TMEM181: variants seen among roughly 807,000 people sequenced by gnomAD.
TMEM181 encodes G protein-coupled receptor 178.
Under a neutral mutation model 71.9 loss-of-function variants are expected in TMEM181, and 39 were observed. The ratio of observed to expected loss-of-function variants is 0.54; its 90% CI spans 0.42 to 0.71. TMEM181 has a LOEUF of 0.71. Ranked by LOEUF, TMEM181 falls within the 30% of genes least tolerant of loss-of-function variation. The pLI is 0.00. For missense variants in TMEM181, 595 were observed against 583.0 expected, an observed-to-expected ratio of 1.02 and a Z score of -0.21; for synonymous variants, 245 against 228.8, an observed-to-expected ratio of 1.07 and a Z score of -0.64.
At chr6:158,555,044 C>G (rs1370088463) in intron 1 of TMEM181, among the ~76,000 whole-genome samples, 1 of 152,228 alleles carries the variant, frequency 6.6e-6, no homozygotes, top group Non-Finnish European at 1.5e-5. Flanking sequence ...TTAGCTAGGA[C>G]TGGCTGAATT....
chr6:158,610,474 A>G (rs1157750719), intron 10 of TMEM181: 1 of 321,966 alleles, frequency 3.1e-6, no homozygotes, highest in East Asian at 5.3e-5. Context: ...AATACAGCAT[A>G]TCCAAATGAC....
chr6:158,542,577 A>G lies in TMEM181; in HGVS notation c.131+5712A>G, dbSNP rs150154964. On this transcript the variant is annotated intron_variant, in intron 1 of 16. Transcript: ENST00000367090. ...TGTGTACCTTGGGGTAAGCGGAGCT[A>G]TTGCCCATACAGCAGAGTGTGGGTT... 1.0e-3 allele frequency among the ~76,000 whole-genome samples: 157 copies of G among 152,200 alleles called. 1 individual carries two copies. The highest frequency in any genetic ancestry group is 3.3e-3 in the African/African-American group (138 of 41,538).
intron 6 of TMEM181, among the ~76,000 whole-genome samples, chr6:158,600,188 G>GA (rs1180758601): frequency 1.3e-5 from 2 of 151,988 alleles, no homozygotes; most frequent in Admixed American, 6.5e-5. Context: ...TTGTTTTTGA[G>GA]ATGGAGTTTT....
intron 10 of TMEM181, chr6:158,610,362 G>T: frequency 3.5e-6 from 1 of 286,246 alleles, no homozygotes; most frequent in Middle Eastern, 4.5e-4. Flanking sequence ...TTGTCAGGGT[G>T]AGGGTGGCAG....
chr6:158,562,659 C>T (rs1014426667), intron 1 of TMEM181, among the ~76,000 whole-genome samples: 4 of 152,198 alleles, frequency 2.6e-5, no homozygotes, highest in Middle Eastern at 3.4e-3. Context: ...CCTGAGTCTC[C>T]CAGTGCTTTT....
intron 5 of TMEM181, 39 bp downstream of exon 5, chr6:158,585,464 C>CT (rs769892233): frequency 2.7e-6 from 4 of 1,498,614 alleles, no homozygotes; most frequent in Non-Finnish European, 3.6e-6. Context: ...AGTCCTCAGG[C>CT]TGTGTACACG....
rs942877185 is a variant in TMEM181, at chr6:158,635,300, G to C, written c.*3412G>C. 3.9e-5 allele frequency: 6 copies of C among 152,248 alleles called. No homozygotes were observed. Among genetic ancestry groups the C allele is most frequent in the African/African-American group, 1.4e-4 (6 of 41,470 alleles). The allele number at this position is 152,248 out of a possible 1,614,324, so 9.4% of individuals were successfully genotyped here. On this transcript the variant is annotated 3_prime_UTR_variant, in exon 17 of 17. Transcript: ENST00000684151. ...GTTGTGGACCTGTCCGTGGGGCACA[G>C]TGCCACCCCATCACAGTGTTGCTGT...
chr6:158,593,009 G>A (rs1274553490), intron 6 of TMEM181, among the ~76,000 whole-genome samples: 1 of 152,196 alleles, frequency 6.6e-6, no homozygotes, highest in Non-Finnish European at 1.5e-5. Flanking sequence ...CACATGAGTG[G>A]GGGGGTGTGA....
At chr6:158,583,607 T>G (rs776530564) in intron 3 of TMEM181, among the ~76,000 whole-genome samples, 7 of 152,182 alleles carry the variant, frequency 4.6e-5, no homozygotes, top group Non-Finnish European at 7.3e-5. Context: ...GAGACCATCC[T>G]GGCTAACACG....
At chr6:158,549,818 A>G (rs1465006460) in intron 1 of TMEM181, among the ~76,000 whole-genome samples, 1 of 152,086 alleles carries the variant, frequency 6.6e-6, no homozygotes, top group Non-Finnish European at 1.5e-5. Context: ...TATTTTTTGT[A>G]TGTAAGGTGG....
Position 158,568,790 on chromosome 6 carries a change from T to C in TMEM181, c.9-4630T>C, listed in dbSNP as rs571471621. ...TGGGGACTCCAGCCGCTGTGGTCAC[T>C]GAGCTGGTCTCACAGCAGGGGGCTA... On this transcript the variant is annotated intron_variant, in intron 1 of 16. Transcript: ENST00000684151. Among the ~76,000 whole-genome samples the C allele has an allele frequency of 2.5e-4, 38 of 152,282 alleles. No individual in the cohort carries two copies. The South Asian group carries it at 7.9e-3, about 32-fold the overall frequency.
intron 13 of TMEM181, among the ~76,000 whole-genome samples, chr6:158,626,868 TCA>T (rs1464551020): frequency 8.8e-5 from 12 of 136,274 alleles, no homozygotes; most frequent in Non-Finnish European, 1.1e-4. Flanking sequence ...CCTCACACCC[TCA>T]CTCTCACACT....
intron 1 of TMEM181, among the ~76,000 whole-genome samples, chr6:158,540,528 C>T (rs1020548844): frequency 4.6e-5 from 7 of 152,262 alleles, no homozygotes; most frequent in African/African-American, 9.6e-5. Context: ...TGCCTGTAAT[C>T]CCAGCACTTT....
intron 6 of TMEM181, among the ~76,000 whole-genome samples, chr6:158,595,490 A>G (rs1784339753): frequency 6.6e-6 from 1 of 152,254 alleles, no homozygotes; most frequent in Non-Finnish European, 1.5e-5. Context: ...TTGTATTTAG[A>G]TATTCACAGC....
chr6:158,621,552 G>T lies in TMEM181; in HGVS notation c.897-1998G>T, dbSNP rs552264253. 11 of 179,252 alleles carry T rather than the reference G, an allele frequency of 6.1e-5. No individual in the cohort carries two copies. The South Asian group carries it at 1.5e-3, about 24-fold the overall frequency. The allele number at this position is 179,252 out of a possible 1,614,324, so 11.1% of individuals were successfully genotyped here. ...GCCAGCTGAGGGGGCCACATCACCG[G>T]ACTCCCGGAGGCAGCTGCGCTTGCT... On this transcript the variant is annotated intron_variant, in intron 10 of 16. Coordinates refer to ENST00000684151, the MANE Select transcript of TMEM181 (RefSeq NM_001376852.1).
intron 15 of TMEM181, 72 bp from the exon 16 acceptor site, chr6:158,631,251 G>C (rs946434287): frequency 1.3e-5 from 20 of 1,504,874 alleles, no homozygotes; most frequent in Non-Finnish European, 1.8e-5. Context: ...TCCTTTGTCC[G>C]GGACAGCATC....
intron 1 of TMEM181, among the ~76,000 whole-genome samples, chr6:158,565,509 G>A (rs1226848673): frequency 6.6e-6 from 1 of 152,224 alleles, no homozygotes; most frequent in Non-Finnish European, 1.5e-5. Context: ...CAAAGCCAGA[G>A]CCACAGACAG....
Position 158,610,795 on chromosome 6 carries a change from A to G in TMEM181, c.896+2045A>G, listed in dbSNP as rs1054116307. The G allele has an allele frequency of 4.8e-5, 15 of 313,524 alleles. No individual in the cohort carries two copies. In the Admixed American group the frequency reaches 5.5e-4, roughly 12 times the overall value. The allele number at this position is 313,524 out of a possible 1,614,324, so 19.4% of individuals were successfully genotyped here. On this transcript the variant is annotated intron_variant, in intron 10 of 16. Coordinates refer to ENST00000684151, the MANE Select transcript of TMEM181 (RefSeq NM_001376852.1). The stretch of plus-strand genomic sequence containing the variant: ...GTCATTGCTGCTGCTGCTCACAGAC[A>G]GGTAGCCGGCAGGCTTGGGGCTGCT...
Position 158,631,931 on chromosome 6 carries a change from TC to T in TMEM181, c.*47del, listed in dbSNP as rs1209744032. 6.5e-7 allele frequency: 1 copy of T among 1,531,170 alleles called. No individual in the cohort carries two copies. Among genetic ancestry groups the T allele is most frequent in the Admixed American group, 1.9e-5 (1 of 51,374 alleles). 94.8% of individuals were successfully genotyped at this position (1,531,170 alleles called of 1,614,324 possible). A position where few individuals can be genotyped will look rare whatever the true frequency, so the allele number is the denominator to read the frequency against. ...GAGGCGACAAGATGCCTGGATGCTTTCCCCGGTGACCGTCTGCTGACCTTCC... is the reference window on the plus strand; with the variant it reads ...GAGGCGACAAGATGCCTGGATGCTTTCCCGGTGACCGTCTGCTGACCTTCC... On this transcript the variant is annotated 3_prime_UTR_variant, in exon 17 of 17. Coordinates refer to ENST00000684151, the MANE Select transcript of TMEM181 (RefSeq NM_001376852.1).
Sources: gnomAD v4.1 joint callset for allele counts (sites outside exome capture counted in the v4.1 genomes callset) on GRCh38, gnomAD v4.1.1 for gene constraint, MANE v1.5 for transcripts, NCBI Gene and HGNC (gene_info 2026-07-23, HGNC 2026-07-21) for gene names.